Variants in UNC13C observed in about 807,000 individuals in gnomAD.
The protein encoded by UNC13C is unc-13 homolog C, also known as protein unc-13 homolog C.
UNC13C carries 174 observed loss-of-function variants against 245.4 expected under a neutral mutation model. That is an observed-to-expected ratio of 0.71 (90% CI 0.63 to 0.80). UNC13C has a LOEUF of 0.80. UNC13C is among the 30% of genes least tolerant of loss of function. UNC13C has a pLI of 0.00. For missense variants in UNC13C, 2,829 were observed against 2,602.9 expected, an observed-to-expected ratio of 1.09 and a Z score of -1.89; for synonymous variants, 992 against 895.1, an observed-to-expected ratio of 1.11 and a Z score of -1.93.
At chr15:54,297,757 G>A (rs994839668) in intron 11 of UNC13C, 54 bp from the exon 12 acceptor site, 1 of 1,317,114 alleles carries the variant, frequency 7.6e-7, no homozygotes, top group Admixed American at 2.2e-5. Flanking sequence ...GAGGTCGTAT[G>A]AGAAAAACAT....
At chr15:53,986,572 C>T (rs927748132) in intron 1 of UNC13C, among the ~76,000 whole-genome samples, 2 of 151,718 alleles carry the variant, frequency 1.3e-5, no homozygotes, top group East Asian at 1.9e-4. Flanking sequence ...TGAAAAAATT[C>T]CAAATTTAAT....
rs140073981 is a variant in UNC13C, at chr15:54,279,617, G to C, written c.3818+14121G>C. 4.9e-3 allele frequency among the ~76,000 whole-genome samples: 739 copies of C among 152,272 alleles called. 3 individuals carry two copies. Among genetic ancestry groups the C allele is most frequent in the African/African-American group, 0.017 (714 of 41,558 alleles). ...TCTTCTTTTCTAGCAAGGAAGGTGG[G>C]GGAATAGCTAAGAGAAAGGATGCCA... is the stretch of plus-strand genomic sequence containing the variant. On this transcript the variant is annotated intron_variant, in intron 10 of 32. Transcript: ENST00000260323.
intron 30 of UNC13C, among the ~76,000 whole-genome samples, chr15:54,575,739 G>T (rs577192400): frequency 2.0e-5 from 3 of 152,202 alleles, no homozygotes; most frequent in Non-Finnish European, 4.4e-5. Context: ...AAGCTTGTCA[G>T]AGATAATCAG....
intron 7 of UNC13C, among the ~76,000 whole-genome samples, chr15:54,246,474 G>A (rs1366544421): frequency 6.6e-6 from 1 of 150,866 alleles, no homozygotes; most frequent in Non-Finnish European, 1.5e-5. Context: ...AAAGAATATG[G>A]GAAGGATATG....
chr15:54,293,069 A>G (rs980172423), intron 10 of UNC13C, among the ~76,000 whole-genome samples: 2 of 151,844 alleles, frequency 1.3e-5, no homozygotes, highest in African/African-American at 4.8e-5. Flanking sequence ...CTCATCCATG[A>G]ACCCTGAGAT....
chr15:54,033,858 C>G, intron 2 of UNC13C, among the ~76,000 whole-genome samples: 1 of 152,300 alleles, frequency 6.6e-6, no homozygotes, highest in East Asian at 1.9e-4. Flanking sequence ...TGTCCTTTCA[C>G]TCTTCATTTC....
At chr15:53,921,372 A>T in the UNC13C span, among the ~76,000 whole-genome samples, 76 of 152,356 alleles carry the variant, frequency 5.0e-4, 1 homozygote, top group South Asian at 2.9e-3. Context: ...ATTATTATAT[A>T]GCTCTTTTTT....
chr15:54,331,571 A>G (rs1357436712), intron 14 of UNC13C, among the ~76,000 whole-genome samples: 1 of 152,136 alleles, frequency 6.6e-6, no homozygotes, highest in Admixed American at 6.6e-5. Context: ...GGTTTTGACA[A>G]AAACAACACC....
chr15:54,292,039 A>G (rs1368859154), intron 10 of UNC13C, among the ~76,000 whole-genome samples: 1 of 152,020 alleles, frequency 6.6e-6, no homozygotes, highest in Non-Finnish European at 1.5e-5. Flanking sequence ...TATAAATACT[A>G]CAGTTCAAAT....
chr15:54,586,952 A>G (rs1179942597), intron 30 of UNC13C, among the ~76,000 whole-genome samples: 1 of 152,198 alleles, frequency 6.6e-6, no homozygotes, highest in Non-Finnish European at 1.5e-5. Context: ...CTGTTAGGCC[A>G]TCAATCAATA....
chr15:54,417,577 T>G (rs771619824), intron 19 of UNC13C, among the ~76,000 whole-genome samples: 1 of 152,190 alleles, frequency 6.6e-6, no homozygotes, highest in Admixed American at 6.5e-5. Flanking sequence ...ATAACTGTAT[T>G]TTCCATATTT....
intron 30 of UNC13C, among the ~76,000 whole-genome samples, chr15:54,581,721 C>G (rs1382161800): frequency 6.6e-6 from 1 of 152,196 alleles, no homozygotes; most frequent in African/African-American, 2.4e-5. Context: ...CACATGGAAA[C>G]TTTTCAGAAG....
intron 17 of UNC13C, among the ~76,000 whole-genome samples, chr15:54,380,205 C>G (rs187725930): frequency 2.3e-4 from 34 of 149,772 alleles, no homozygotes; most frequent in Middle Eastern, 3.4e-3. Flanking sequence ...ATGAGATCAA[C>G]TTTTTTAGGT....
chr15:54,138,267 GTTGGGTAGAATA>G (rs1423770534), intron 2 of UNC13C, among the ~76,000 whole-genome samples: 1 of 152,002 alleles, frequency 6.6e-6, no homozygotes, highest in Non-Finnish European at 1.5e-5. Context: ...TTCTGTTGCT[GTTGGGTAGAATA>G]TTGTGTCATT....
At chr15:53,928,997 G>A in the UNC13C span, among the ~76,000 whole-genome samples, 6 of 152,212 alleles carry the variant, frequency 3.9e-5, no homozygotes, top group South Asian at 1.0e-3. Context: ...GATATTATAG[G>A]GATTGTATTA....
chr15:54,074,798 A>G (rs1898507560), intron 2 of UNC13C, among the ~76,000 whole-genome samples: 3 of 152,158 alleles, frequency 2.0e-5, no homozygotes, highest in Non-Finnish European at 2.9e-5. Context: ...GGTTTTCTAT[A>G]TATTCAATCA....
At chr15:53,955,028 T>C in the UNC13C span, among the ~76,000 whole-genome samples, 50,130 of 151,966 alleles carry the variant, frequency 0.33, 8,269 homozygotes, top group African/African-American at 0.35. Flanking sequence ...GCTCTACTTA[T>C]AACATTTTCA....
At chr15:54,228,306 A>G (rs1018388248) in intron 4 of UNC13C, among the ~76,000 whole-genome samples, 1 of 152,102 alleles carries the variant, frequency 6.6e-6, no homozygotes, top group Non-Finnish European at 1.5e-5. Flanking sequence ...AAGCCAAGGC[A>G]TGGAATCAGG....
chr15:54,452,024 C>A (rs1283003507), intron 19 of UNC13C, among the ~76,000 whole-genome samples: 1 of 152,128 alleles, frequency 6.6e-6, no homozygotes, highest in African/African-American at 2.4e-5. Flanking sequence ...TTTATTTGAC[C>A]ATACACAGCC....
Sources: gnomAD v4.1 joint callset for allele counts (sites outside exome capture counted in the v4.1 genomes callset) on GRCh38, gnomAD v4.1.1 for gene constraint, MANE v1.5 for transcripts, NCBI Gene and HGNC (gene_info 2026-07-23, HGNC 2026-07-21) for gene names.